Variants in SPMIP11 observed in about 807,000 individuals in gnomAD.
The protein encoded by SPMIP11 is long intergenic non-protein coding RNA 935.
chr12:48,729,812 C>G, the SPMIP11 span, among the ~76,000 whole-genome samples: 1 of 151,942 alleles, frequency 6.6e-6, no homozygotes, highest in Non-Finnish European at 1.5e-5. Flanking sequence ...GTTTTACTAT[C>G]CAGCTTCCAG....
At chr12:48,752,079 A>C in the SPMIP11 span, among the ~76,000 whole-genome samples, 4 of 149,282 alleles carry the variant, frequency 2.7e-5, no homozygotes, top group South Asian at 2.1e-4. Flanking sequence ...AAAAAAAAAA[A>C]CAAACAAACA....
At chr12:48,745,920 C>T in the SPMIP11 span, among the ~76,000 whole-genome samples, 1 of 152,006 alleles carries the variant, frequency 6.6e-6, no homozygotes, top group Non-Finnish European at 1.5e-5. Flanking sequence ...ATGTATAAAT[C>T]ATGTATGCAA....
chr12:48,769,875 C>T, the SPMIP11 span, among the ~76,000 whole-genome samples: 1 of 151,588 alleles, frequency 6.6e-6, no homozygotes, highest in South Asian at 2.1e-4. Flanking sequence ...CATTCTCCTG[C>T]CTCAGCCTCC....
At chr12:48,729,664 C>G in the SPMIP11 span, among the ~76,000 whole-genome samples, 1 of 148,706 alleles carries the variant, frequency 6.7e-6, no homozygotes, top group South Asian at 2.1e-4. Flanking sequence ...GAGCCGAGAT[C>G]GCGCCACTGC....
At chr12:48,733,856 C>T in the SPMIP11 span, among the ~76,000 whole-genome samples, 3 of 149,548 alleles carry the variant, frequency 2.0e-5, no homozygotes, top group East Asian at 5.9e-4. Context: ...CTGCAACCTC[C>T]ACCTCCCAGG....
the SPMIP11 span, chr12:48,765,566 C>T: frequency 1.4e-6 from 1 of 702,692 alleles, no homozygotes; most frequent in South Asian, 1.5e-5. Flanking sequence ...TGCTCTCCAG[C>T]CTGGCCTGGC....
chr12:48,757,151 C>T, the SPMIP11 span, among the ~76,000 whole-genome samples: 1 of 152,006 alleles, frequency 6.6e-6, no homozygotes, highest in African/African-American at 2.4e-5. Context: ...TTTTGGCTTG[C>T]GTGACAGAAT....
the SPMIP11 span, among the ~76,000 whole-genome samples, chr12:48,756,074 G>A: frequency 1.3e-5 from 2 of 150,904 alleles, no homozygotes; most frequent in African/African-American, 2.4e-5. Flanking sequence ...TAGTAGAGAC[G>A]GGGTTTCACT....
the SPMIP11 span, among the ~76,000 whole-genome samples, chr12:48,753,186 C>A: frequency 6.6e-6 from 1 of 152,128 alleles, no homozygotes; most frequent in African/African-American, 2.4e-5. Context: ...AAAATCTCTG[C>A]GAGATTTGGG....
At chr12:48,752,419 A>G in the SPMIP11 span, among the ~76,000 whole-genome samples, 10 of 152,308 alleles carry the variant, frequency 6.6e-5, no homozygotes, top group African/African-American at 1.4e-4. Flanking sequence ...CACCCCGACC[A>G]GTGACCAGAA....
the SPMIP11 span, among the ~76,000 whole-genome samples, chr12:48,750,671 C>T: frequency 6.6e-6 from 1 of 152,202 alleles, no homozygotes; most frequent in Non-Finnish European, 1.5e-5. Flanking sequence ...CGTCTCCTAG[C>T]AAGTCCACAT....
chr12:48,757,957 G>A, the SPMIP11 span, among the ~76,000 whole-genome samples: 2 of 152,118 alleles, frequency 1.3e-5, no homozygotes, highest in South Asian at 4.2e-4. Flanking sequence ...TCATGCCACT[G>A]CACTCCAGCC....
chr12:48,740,203 T>C, the SPMIP11 span, among the ~76,000 whole-genome samples: 20 of 152,334 alleles, frequency 1.3e-4, no homozygotes, highest in East Asian at 3.5e-3. Context: ...ATAGAAAATG[T>C]GTAAGACTTG....
At chr12:48,754,308 G>A in the SPMIP11 span, among the ~76,000 whole-genome samples, 1 of 152,000 alleles carries the variant, frequency 6.6e-6, no homozygotes, top group Admixed American at 6.6e-5. Context: ...AGGAGGCTGA[G>A]GCAGGAGGAT....
the SPMIP11 span, among the ~76,000 whole-genome samples, chr12:48,745,986 T>G: frequency 1.3e-5 from 2 of 152,170 alleles, no homozygotes; most frequent in Admixed American, 6.6e-5. Context: ...AGACTCCCCC[T>G]CTAATCCAAC....
At chr12:48,747,407 A>C in the SPMIP11 span, among the ~76,000 whole-genome samples, 5 of 152,326 alleles carry the variant, frequency 3.3e-5, no homozygotes, top group African/African-American at 1.2e-4. Flanking sequence ...GAGCAGATTC[A>C]AAATTGAGAA....
the SPMIP11 span, among the ~76,000 whole-genome samples, chr12:48,731,554 T>G: frequency 1.4e-4 from 22 of 152,096 alleles, no homozygotes; most frequent in Admixed American, 1.4e-3. Flanking sequence ...CACCATTCAC[T>G]GGCGCTAAAT....
the SPMIP11 span, among the ~76,000 whole-genome samples, chr12:48,770,559 G>GT: frequency 6.6e-6 from 1 of 152,182 alleles, no homozygotes; most frequent in Non-Finnish European, 1.5e-5. Context: ...GGCGATAATA[G>GT]TATCAGGATT....
chr12:48,767,174 A>G, the SPMIP11 span: 1 of 152,740 alleles, frequency 6.5e-6, no homozygotes, highest in African/African-American at 2.4e-5. Flanking sequence ...TGGGGAAGCC[A>G]GGAAATTCCT....
Sources: gnomAD v4.1 joint callset for allele counts (sites outside exome capture counted in the v4.1 genomes callset) on GRCh38, gnomAD v4.1.1 for gene constraint, MANE v1.5 for transcripts, NCBI Gene and HGNC (gene_info 2026-07-23, HGNC 2026-07-21) for gene names.